SCLY: variants seen among roughly 807,000 people sequenced by gnomAD.
SCLY encodes the protein selenocysteine lyase.
Under a neutral mutation model 50.1 loss-of-function variants are expected in SCLY, and 38 were observed. The ratio of observed to expected loss-of-function variants is 0.76; its 90% CI spans 0.59 to 0.99. The LOEUF (loss-of-function observed/expected upper bound fraction) is 0.99, where lower values mean the gene tolerates loss of function less well. Among genes scored for constraint, SCLY ranks in the 50% least tolerant of loss-of-function variants. The probability of loss-of-function intolerance (pLI) is 0.00; values close to 1 mark genes in which losing one functional copy is unlikely to be tolerated. For synonymous variants in SCLY, 243 were observed against 249.4 expected, an observed-to-expected ratio of 0.97 and a Z score of 0.24; for missense variants, 600 against 620.0, an observed-to-expected ratio of 0.97 and a Z score of 0.34.
chr2:238,098,559 G>GGACCGCCCA lies in SCLY; in HGVS notation c.*204_*205insGACCGCCCA, dbSNP rs1691300605. ...TCACAGGGCCCAGGACACCAACGCC[G>GGACCGCCCA]CATAGGACTGCCCACATGGGACCGC... On this transcript the variant is annotated 3_prime_UTR_variant, in exon 12 of 12. Coordinates refer to ENST00000254663, the MANE Select transcript of SCLY (RefSeq NM_016510.7). 1 of 411,188 alleles carries GGACCGCCCA rather than the reference G, an allele frequency of 2.4e-6. No individual in the cohort carries two copies. The highest frequency in any genetic ancestry group is 5.4e-5 in the African/African-American group (1 of 18,408). 25.5% of individuals were successfully genotyped at this position (411,188 alleles called of 1,614,324 possible). A position where few individuals can be genotyped will look rare whatever the true frequency, so the allele number is the denominator to read the frequency against.
At chr2:238,065,589 G>GA (rs141137142) in intron 2 of SCLY, among the ~76,000 whole-genome samples, 11 of 150,240 alleles carry the variant, frequency 7.3e-5, no homozygotes, top group Admixed American at 4.6e-4. Flanking sequence ...AAATGCAAAA[G>GA]AAAAAAAATC....
rs1166279256 is a variant in SCLY, at chr2:238,075,992, A to G, written c.485-5717A>G. The stretch of plus-strand genomic sequence containing the variant: ...ACAAGCTTAGCGTTCCAATAATGGA[A>G]CACCAGGCATAAATGGGTTCTTTCT... On this transcript the variant is annotated intron_variant, in intron 4 of 11. Coordinates refer to ENST00000254663, the MANE Select transcript of SCLY (RefSeq NM_016510.7). Among the ~76,000 whole-genome samples, 3 of 151,694 alleles carry G rather than the reference A, an allele frequency of 2.0e-5. No homozygotes were observed. The East Asian group carries it at 5.8e-4, about 29-fold the overall frequency.
chr2:238,085,586 G>A (rs1363076870), intron 7 of SCLY, among the ~76,000 whole-genome samples: 1 of 151,870 alleles, frequency 6.6e-6, no homozygotes, highest in Admixed American at 6.6e-5. Flanking sequence ...AATTAGCCGG[G>A]CTTGGTGGCA....
chr2:238,070,504 A>AC (rs2065117518), intron 4 of SCLY, among the ~76,000 whole-genome samples: 2 of 151,934 alleles, frequency 1.3e-5, no homozygotes, highest in Admixed American at 1.3e-4. Flanking sequence ...ACATGGTGAA[A>AC]CCCCATCTCT....
chr2:238,066,031 G>A lies in SCLY; in HGVS notation c.202+1562G>A, dbSNP rs1210468259. ...TTTTAAGGAATATGTTGAGGATGTG[G>A]GGATTTTACATACCTAAGATATTTA... On this transcript the variant is annotated intron_variant, in intron 2 of 11. Coordinates refer to ENST00000254663, the MANE Select transcript of SCLY (RefSeq NM_016510.7). The surrounding 1 kb of genome is among the most constrained non-coding windows in gnomAD (Gnocchi z 4.1). Among the ~76,000 whole-genome samples the A allele has an allele frequency of 6.6e-6, 1 of 152,098 alleles. No homozygotes were observed. Among genetic ancestry groups the A allele is most frequent in the Admixed American group, 6.6e-5 (1 of 15,264 alleles).
At chr2:238,073,712 G>A (rs1030690410) in intron 4 of SCLY, 2 of 466,430 alleles carry the variant, frequency 4.3e-6, no homozygotes, top group Non-Finnish European at 8.8e-6. Context: ...CTACTTATAT[G>A]TGGATTTTCT....
Position 238,096,731 on chromosome 2 carries a change from A to G in SCLY, c.1109-70A>G, listed in dbSNP as rs1041736177. 4 of 1,508,856 alleles carry G rather than the reference A, an allele frequency of 2.7e-6. No individual in the cohort carries two copies. In the Admixed American group the frequency reaches 5.8e-5, roughly 22 times the overall value. 93.5% of individuals were successfully genotyped at this position (1,508,856 alleles called of 1,614,324 possible). A position where few individuals can be genotyped will look rare whatever the true frequency, so the allele number is the denominator to read the frequency against. The stretch of plus-strand genomic sequence containing the variant: ...AGGGAAGCAGCCTGCGCCCAGCAGG[A>G]CCCCGGGAAGGGACAGAAGGGCAAC... On this transcript the variant is annotated intron_variant, in intron 10 of 11. Transcript: ENST00000254663.
At chr2:238,084,893 CAAAAAAAAA>C (rs377025100) in intron 7 of SCLY, among the ~76,000 whole-genome samples, 11 of 107,510 alleles carry the variant, frequency 1.0e-4, no homozygotes, top group African/African-American at 4.0e-4. Context: ...GACTCCATCT[CAAAAAAAAA>C]AAAAAAAAAG....
intron 4 of SCLY, chr2:238,080,778 G>A (rs1046853921): frequency 1.3e-5 from 2 of 152,322 alleles, no homozygotes; most frequent in Non-Finnish European, 2.9e-5. Context: ...ACATTGGGAA[G>A]CTGACCTCTG....
At chr2:238,088,939 G>T (rs2065330858) in intron 7 of SCLY, among the ~76,000 whole-genome samples, 1 of 152,160 alleles carries the variant, frequency 6.6e-6, no homozygotes, top group Admixed American at 6.5e-5. Context: ...GCAAGAAAAG[G>T]AAGCAAAAGG....
At chr2:238,073,745 C>T in intron 4 of SCLY, 1 of 467,658 alleles carries the variant, frequency 2.1e-6, no homozygotes, top group Non-Finnish European at 4.4e-6. Flanking sequence ...GTCTCTGTGA[C>T]ATCAAGATCA....
chr2:238,089,617 T>C (rs1013906262), intron 7 of SCLY, among the ~76,000 whole-genome samples: 2 of 150,608 alleles, frequency 1.3e-5, no homozygotes, highest in African/African-American at 2.4e-5. Flanking sequence ...GCATAAACTT[T>C]CTTAAAACAT....
chr2:238,064,528 A>C, intron 2 of SCLY, 59 bp downstream of exon 2: 1 of 1,194,054 alleles, frequency 8.4e-7, no homozygotes, highest in South Asian at 1.4e-5. Context: ...GGGCGCTCTT[A>C]GAGAAATTGC....
intron 7 of SCLY, among the ~76,000 whole-genome samples, chr2:238,088,147 C>G (rs1266168857): frequency 6.6e-6 from 1 of 152,072 alleles, no homozygotes; most frequent in Admixed American, 6.6e-5. Flanking sequence ...TCCACAGATG[C>G]AAGGCTGGTT....
intron 7 of SCLY, among the ~76,000 whole-genome samples, chr2:238,088,416 G>A (rs75178089): frequency 0.014 from 2,095 of 152,158 alleles, 40 homozygotes; most frequent in African/African-American, 0.048. Context: ...AGCTGAGATG[G>A]CAGCACCACA....
chr2:238,079,043 CTTCTTTCT>C (rs1317201872), intron 4 of SCLY: 1 of 146,684 alleles, frequency 6.8e-6, no homozygotes, highest in Non-Finnish European at 1.5e-5. Flanking sequence ...TCCTTCCTTC[CTTCTTTCT>C]TTCTTTCTTT....
At position 238,066,405 on chromosome 2, in the gene SCLY, C is replaced by T. The variant is rs10208591; in HGVS notation, c.203-1660C>T. 0.037 allele frequency among the ~76,000 whole-genome samples: 5,671 copies of T among 152,260 alleles called. 361 individuals carry two copies. The highest frequency in any genetic ancestry group is 0.13 in the African/African-American group (5,356 of 41,522). ...GAGAGGGCCTTGGGGTTTTGGAAAC[C>T]GCTGACGTAAGCAGCACTGACTGAG... On this transcript the variant is annotated intron_variant, in intron 2 of 11. Transcript: ENST00000254663. This position sits in a 1 kb window ranked among gnomAD's most constrained non-coding sequence, Gnocchi z 4.1.
intron 7 of SCLY, among the ~76,000 whole-genome samples, chr2:238,088,270 T>C (rs2065322078): frequency 6.6e-6 from 1 of 152,148 alleles, no homozygotes; most frequent in African/African-American, 2.4e-5. Flanking sequence ...GGGCCCAGCC[T>C]GGCCAACATG....
rs535215504 is a variant in SCLY, at chr2:238,081,532, C to T, written c.485-177C>T. ...TTAAAGACACGTTCACACTGAAGCA[C>T]CTGACAGTGACTCTGGGCCAGTGAT... is the stretch of plus-strand genomic sequence containing the variant. On this transcript the variant is annotated intron_variant, in intron 4 of 11. Coordinates refer to ENST00000254663, the MANE Select transcript of SCLY (RefSeq NM_016510.7). 6.5e-6 allele frequency: 5 copies of T among 769,440 alleles called. No homozygotes were observed. The East Asian group carries it at 1.1e-4, about 17-fold the overall frequency. 47.7% of individuals were successfully genotyped at this position (769,440 alleles called of 1,614,324 possible).
Sources: gnomAD v4.1 joint callset for allele counts (sites outside exome capture counted in the v4.1 genomes callset) on GRCh38, gnomAD v4.1.1 for gene constraint, Gnocchi (gnomAD v3.1) non-coding constraint, MANE v1.5 for transcripts, NCBI Gene and HGNC (gene_info 2026-07-23, HGNC 2026-07-21) for gene names.